Variants in FN1 observed in about 807,000 individuals in gnomAD.
FN1 encodes fibronectin.
Under a neutral mutation model 297.3 loss-of-function variants are expected in FN1, and 106 were observed. That is an observed-to-expected ratio of 0.36 (90% CI 0.30 to 0.42). The LOEUF (loss-of-function observed/expected upper bound fraction) is 0.42. Ranked by LOEUF, FN1 falls within the 10% of genes least tolerant of loss-of-function variation. FN1 has a pLI of 1.00. For synonymous variants in FN1, 1,149 were observed against 1,152.6 expected (o/e 1.00, Z 0.06); for missense variants, 2,690 against 3,124.9 (o/e 0.86, Z 3.32).
intron 6 of FN1, 124 bp downstream of exon 6, chr2:215,428,056 C>G: frequency 8.5e-7 from 1 of 1,176,334 alleles, no homozygotes. Context: ...TGTAAATTAT[C>G]TTAGGTTATT....
chr2:215,397,749 C>G lies in FN1; in HGVS notation c.3448G>C (p.Val1150Leu). Residue 1150 changes from valine (V) to leucine (L), a missense_variant, in exon 22 of 46, where the codon GTC (valine) becomes CTC (leucine). Physicochemically the swap from Val to Leu is conservative, Grantham distance 32. This residue lies in a region of FN1 where 1,743 missense variants were observed against 1,945.2 expected (regional missense o/e 0.90). Coordinates refer to ENST00000354785, the MANE Select transcript of FN1 (RefSeq NM_212482.4). Reference protein sequence around the residue: ...VSGLTPGVEYVYTIQVLRDGQ... With the variant: ...VSGLTPGVEYLYTIQVLRDGQ... ...TCTCTCAGGACTTGGATGGTGTAGA[C>G]GTATTCTACTCCTGGAGTCAAGCCG... 2.5e-6 allele frequency: 4 copies of G among 1,613,516 alleles called. No homozygotes were observed. Among genetic ancestry groups the G allele is most frequent in the Non-Finnish European group, 3.4e-6 (4 of 1,179,468 alleles).
intron 42 of FN1, chr2:215,367,597 T>G (rs1004141432): frequency 4.3e-6 from 2 of 466,904 alleles, no homozygotes; most frequent in Admixed American, 3.4e-5. Flanking sequence ...ACAGAAAATT[T>G]CAAAAATCAA....
intron 3 of FN1, among the ~76,000 whole-genome samples, chr2:215,432,458 T>C (rs902046863): frequency 2.6e-5 from 4 of 152,212 alleles, no homozygotes; most frequent in African/African-American, 9.7e-5. Flanking sequence ...GTTTTCTAAG[T>C]TGTTAAGCCC....
chr2:215,393,154 G>T lies in FN1; in HGVS notation c.3846C>A (p.Ser1282Arg). The change falls in exon 25 of 46, where the codon AGC (serine) becomes AGA (arginine). Residue 1282 changes from serine to arginine, a missense_variant. Physicochemically the swap from Ser to Arg is moderately radical, Grantham distance 110. Coordinates refer to ENST00000354785, the MANE Select transcript of FN1 (RefSeq NM_212482.4). ...TTAGCGGGGTCCACCTCAGGCCGAT[G>T]CTTGAATCGGTTATATCAACAAAGC... The part of the protein sequence containing the change: ...DLSFVDITDS[S>R]IGLRWTPLNS... The T allele has an allele frequency of 6.2e-7, 1 of 1,614,036 alleles. No individual in the cohort carries two copies. The highest frequency in any genetic ancestry group is 2.2e-5 in the East Asian group (1 of 44,878).
chr2:215,367,829 A>G, intron 42 of FN1, 34 bp downstream of exon 42: 1 of 1,612,040 alleles, frequency 6.2e-7, no homozygotes, highest in Non-Finnish European at 8.5e-7. Flanking sequence ...TGAGGAGACA[A>G]ACACGGAAGT....
At chr2:215,431,713 C>A in intron 4 of FN1, 120 bp downstream of exon 4, 5 of 1,038,486 alleles carry the variant, frequency 4.8e-6, no homozygotes, top group Non-Finnish European at 7.6e-6. Context: ...AACAAAATTC[C>A]CATTTCTTTA....
At chr2:215,383,834 C>T (rs2058541435) in intron 30 of FN1, among the ~76,000 whole-genome samples, 186 bp downstream of exon 30, 1 of 152,200 alleles carries the variant, frequency 6.6e-6, no homozygotes, top group Non-Finnish European at 1.5e-5. Context: ...GACTGAACTT[C>T]CTGCCCTTGG....
In FN1 at chr2:215,380,974, G is replaced by T; in HGVS notation, c.5271C>A (p.Tyr1757Ter). 6.2e-7 allele frequency: 1 copy of T among 1,614,238 alleles called. No homozygotes were observed. Among genetic ancestry groups the T allele is most frequent in the Non-Finnish European group, 8.5e-7 (1 of 1,180,044 alleles). Residue 1757 changes from tyrosine (Y) to a stop codon, truncating the protein, a stop_gained, in exon 33 of 46, where the codon TAC (tyrosine) becomes TAA (stop). Transcript: ENST00000354785. LOFTEE classifies it high-confidence loss of function. ...CATGGATTCCATCCTCAGGGCTCGA[G>T]TAGGTCACCCTGTACCTGGAAACTT... The part of the protein sequence containing the change: ...QGQVSRYRVT[Y>*]SSPEDGIHEL...
chr2:215,387,908 G>A (rs774907389), intron 27 of FN1, among the ~76,000 whole-genome samples: 8 of 152,186 alleles, frequency 5.3e-5, no homozygotes, highest in Non-Finnish European at 8.8e-5. Flanking sequence ...TCAGCCATTA[G>A]ACAGAGCTGC....
intron 6 of FN1, among the ~76,000 whole-genome samples, chr2:215,427,169 G>A (rs112142865): frequency 0.17 from 25,702 of 152,012 alleles, 2,798 homozygotes; most frequent in Non-Finnish European, 0.25. Flanking sequence ...GCCACCGCGC[G>A]TGGCCGATGT....
chr2:215,405,311 A>G (rs2061631169), intron 19 of FN1, among the ~76,000 whole-genome samples: 1 of 152,256 alleles, frequency 6.6e-6, no homozygotes, highest in Non-Finnish European at 1.5e-5. Flanking sequence ...TTTAAGAGGC[A>G]GTCGAGTATA....
intron 22 of FN1, 121 bp downstream of exon 22, chr2:215,397,555 ATAAG>A (rs1323632116): frequency 1.0e-5 from 8 of 800,684 alleles, no homozygotes; most frequent in Non-Finnish European, 1.7e-5. Flanking sequence ...CATTAATAAT[ATAAG>A]TAAGGATAAG....
Position 215,391,720 on chromosome 2 carries a change from G to A in FN1, c.4164C>T (p.Asn1388=), listed in dbSNP as rs532235240. 910 of 1,614,154 alleles carry A rather than the reference G, an allele frequency of 5.6e-4. 17 individuals carry two copies. The South Asian group carries it at 9.4e-3, about 17-fold the overall frequency. ...WAPPPSIDLT[N]FLVRYSPVKN... ...TCACAGGTGAGTAACGCACCAGGAA[G>A]TTGGTTAAATCAATGGATGGGGGTG... Residue 1388 remains asparagine, a synonymous_variant, in exon 26 of 46, where the codon AAC becomes AAT. Transcript: ENST00000354785.
chr2:215,368,304 T>C (rs1270020959), intron 41 of FN1, among the ~76,000 whole-genome samples: 1 of 152,196 alleles, frequency 6.6e-6, no homozygotes. Context: ...TCATAGAACA[T>C]GGAACAGATC....
At position 215,428,348 on chromosome 2, in the gene FN1, A is replaced by G. The variant is rs765285972; in HGVS notation, c.686-10T>C. ...TGATCGTTGCATCTATCTGTGTCAC[A>G]AAGGAAGCACATACATACATCAGGT... On this transcript the variant is annotated splice_polypyrimidine_tract_variant and intron_variant, in intron 5 of 45. Coordinates refer to ENST00000354785, the MANE Select transcript of FN1 (RefSeq NM_212482.4). The G allele has an allele frequency of 3.1e-6, 5 of 1,613,784 alleles. No individual in the cohort carries two copies. Among genetic ancestry groups the G allele is most frequent in the Non-Finnish European group, 4.2e-6 (5 of 1,179,858 alleles).
intron 40 of FN1, 176 bp from the exon 41 acceptor site, chr2:215,370,608 A>G (rs1442521543): frequency 3.2e-6 from 2 of 623,378 alleles, no homozygotes; most frequent in East Asian, 2.9e-5. Flanking sequence ...GAGGAGAGAA[A>G]TGGAACAAGG....
intron 6 of FN1, among the ~76,000 whole-genome samples, chr2:215,426,210 G>A (rs1278842884): frequency 2.2e-5 from 3 of 133,526 alleles, no homozygotes; most frequent in Non-Finnish European, 4.6e-5. Flanking sequence ...GTGCAGTGGC[G>A]CAATCTCGGC....
At chr2:215,414,801 G>C (rs747160185) in intron 13 of FN1, 36 bp downstream of exon 13, 8 of 1,613,394 alleles carry the variant, frequency 5.0e-6, no homozygotes, top group Non-Finnish European at 5.9e-6. Flanking sequence ...AAGATTAGGA[G>C]ACTCAGTATC....
intron 30 of FN1, 114 bp from the exon 31 acceptor site, chr2:215,383,597 G>T: frequency 9.0e-7 from 1 of 1,107,860 alleles, no homozygotes; most frequent in Non-Finnish European, 1.4e-6. Context: ...CATGAGAAAG[G>T]TATTTCTTCT....
Sources: gnomAD v4.1 joint callset for allele counts (sites outside exome capture counted in the v4.1 genomes callset) on GRCh38, gnomAD v4.1.1 for gene constraint, gnomAD v4.1.1 regional missense constraint, MANE v1.5 for transcripts, NCBI Gene and HGNC (gene_info 2026-07-23, HGNC 2026-07-21) for gene names.